Variants in KIF5B observed in about 807,000 individuals in gnomAD.
KIF5B encodes the protein kinesin family member 5B.
In KIF5B, 49 loss-of-function variants were observed where a neutral mutation model predicts 132.8. The ratio of observed to expected loss-of-function variants is 0.37; its 90% CI spans 0.29 to 0.47. The LOEUF (loss-of-function observed/expected upper bound fraction) is 0.47, where lower values mean the gene tolerates loss of function less well. Ranked by LOEUF, KIF5B falls within the 20% of genes least tolerant of loss-of-function variation. KIF5B has a pLI of 1.00. For missense variants in KIF5B, 780 were observed against 1,144.0 expected, an observed-to-expected ratio of 0.68 and a Z score of 4.59; for synonymous variants, 355 against 369.4, an observed-to-expected ratio of 0.96 and a Z score of 0.45.
chr10:32,014,832 G>A (rs1242583845), intron 25 of KIF5B, among the ~76,000 whole-genome samples: 2 of 152,186 alleles, frequency 1.3e-5, no homozygotes, highest in African/African-American at 4.8e-5. Flanking sequence ...AATACAAGGA[G>A]ATGTTTCAGG....
At position 32,022,079 on chromosome 10, in the gene KIF5B, TTAC is replaced by T. The variant is rs1394741444; in HGVS notation, c.2032+58_2032+60del. On this transcript the variant is annotated intron_variant, in intron 17 of 25. Coordinates refer to ENST00000302418, the MANE Select transcript of KIF5B (RefSeq NM_004521.3). ...ATTTCTTTCAGTGTGAATATTAAGT[TTAC>T]TACAATTATACTAAAATAAGAACAC... 3.4e-5 allele frequency: 27 copies of T among 798,742 alleles called. No individual in the cohort carries two copies. In the East Asian group the frequency reaches 6.4e-4, roughly 19 times the overall value. The allele number at this position is 798,742 out of a possible 1,614,324, so 49.5% of individuals were successfully genotyped here.
chr10:32,010,752 A>G lies in KIF5B; in HGVS notation c.*785T>C, dbSNP rs1841066385. 6.6e-6 allele frequency: 1 copy of G among 152,200 alleles called. No individual in the cohort carries two copies. The highest frequency in any genetic ancestry group is 1.5e-5 in the Non-Finnish European group (1 of 68,014). The allele number at this position is 152,200 out of a possible 1,614,324, so 9.4% of individuals were successfully genotyped here. ...CTTGTTGAGTACAGAATCAGGAAAA[A>G]GAGAAATATAATTCCTTTTCCAAAC... On this transcript the variant is annotated 3_prime_UTR_variant, in exon 26 of 26. Coordinates refer to ENST00000302418, the MANE Select transcript of KIF5B (RefSeq NM_004521.3).
intron 14 of KIF5B, among the ~76,000 whole-genome samples, 153 bp from the exon 15 acceptor site, chr10:32,028,724 T>C (rs938880663): frequency 1.3e-5 from 2 of 152,254 alleles, no homozygotes; most frequent in Admixed American, 6.5e-5. Context: ...GGTTCTGGGC[T>C]CCCAGCTCAA....
chr10:32,010,677 T>C lies in KIF5B; in HGVS notation c.*860A>G, dbSNP rs747163306. Reference sequence around the variant, plus strand: ...ATTATTACCTGTCCAATACTTATATTAGCTAGCAGGCTCACCAGAATAAAG... The same window carrying C: ...ATTATTACCTGTCCAATACTTATATCAGCTAGCAGGCTCACCAGAATAAAG... On this transcript the variant is annotated 3_prime_UTR_variant, in exon 26 of 26. Transcript: ENST00000302418. 6 of 152,192 alleles carry C rather than the reference T, an allele frequency of 3.9e-5. No individual in the cohort carries two copies. The allele number at this position is 152,192 out of a possible 1,614,324, so 9.4% of individuals were successfully genotyped here.
At position 32,034,077 on chromosome 10, in the gene KIF5B, G is replaced by A. The variant is rs548880769; in HGVS notation, c.1112-39C>T. The stretch of plus-strand genomic sequence containing the variant: ...ATAAAGTGGTTAATAAAAAAACGAC[G>A]TCTAAAGCTAATTTCAATTTCATTC... On this transcript the variant is annotated intron_variant, in intron 11 of 25. Coordinates refer to ENST00000302418, the MANE Select transcript of KIF5B (RefSeq NM_004521.3). The A allele has an allele frequency of 9.8e-5, 122 of 1,249,602 alleles. 1 individual carries two copies. Among genetic ancestry groups the A allele is most frequent in the South Asian group, 3.4e-4 (23 of 66,916 alleles). 77.4% of individuals were successfully genotyped at this position (1,249,602 alleles called of 1,614,324 possible). A position where few individuals can be genotyped will look rare whatever the true frequency, so the allele number is the denominator to read the frequency against.
rs1841197629 is a variant in KIF5B, at chr10:32,017,923, A to C, written c.2544+129T>G. 1.0e-5 allele frequency: 5 copies of C among 495,914 alleles called. No homozygotes were observed. The South Asian group carries it at 2.7e-4, about 26-fold the overall frequency. 30.7% of individuals were successfully genotyped at this position (495,914 alleles called of 1,614,324 possible). Reference sequence around the variant, plus strand: ...AAAGTTACTTATGGTTTCTTTATATAATTTCTGATAAAATGGCTCAGGGTA... The same window carrying C: ...AAAGTTACTTATGGTTTCTTTATATCATTTCTGATAAAATGGCTCAGGGTA... On this transcript the variant is annotated intron_variant, in intron 23 of 25. Transcript: ENST00000302418.
intron 12 of KIF5B, 126 bp from the exon 13 acceptor site, chr10:32,032,900 CTTATT>C: frequency 2.8e-6 from 2 of 710,272 alleles, no homozygotes; most frequent in Non-Finnish European, 4.9e-6. Context: ...TTCAACATTG[CTTATT>C]TTAATCTCTT....
At position 32,028,341 on chromosome 10, in the gene KIF5B, C is replaced by T. The variant is rs138831755; in HGVS notation, c.1725+87G>A. 306 of 1,066,360 alleles carry T rather than the reference C, an allele frequency of 2.9e-4. 1 individual carries two copies. The South Asian group carries it at 4.2e-3, about 15-fold the overall frequency. 66.1% of individuals were successfully genotyped at this position (1,066,360 alleles called of 1,614,324 possible). A position where few individuals can be genotyped will look rare whatever the true frequency, so the allele number is the denominator to read the frequency against. On this transcript the variant is annotated intron_variant, in intron 15 of 25. Transcript: ENST00000302418. The stretch of plus-strand genomic sequence containing the variant: ...GTTTGTGAGGATGAGATCATGAATA[C>T]GAAAAGAACTTTACAAACTATTAGT...
Position 32,048,904 on chromosome 10 carries a change from T to C in KIF5B, c.127-353A>G, listed in dbSNP as rs141765841. ...TATTTTTGAGACAGGGTCTCGGTTC[T>C]GTCACCCAGGCTGGAGTGCAGTGGC... On this transcript the variant is annotated intron_variant, in intron 1 of 25. Coordinates refer to ENST00000302418, the MANE Select transcript of KIF5B (RefSeq NM_004521.3). 2.0e-5 allele frequency among the ~76,000 whole-genome samples: 3 copies of C among 152,334 alleles called. No individual in the cohort carries two copies. In the East Asian group the frequency reaches 5.8e-4, roughly 29 times the overall value.
At chr10:32,035,431 G>A in intron 10 of KIF5B, 91 bp downstream of exon 10, 1 of 1,108,052 alleles carries the variant, frequency 9.0e-7, no homozygotes. Flanking sequence ...AAAACAGTAT[G>A]TACAGGTTGG....
At chr10:32,034,563 A>T in intron 11 of KIF5B, 127 bp downstream of exon 11, 1 of 632,612 alleles carries the variant, frequency 1.6e-6, no homozygotes, top group East Asian at 3.4e-5. Flanking sequence ...ATTTTTTTAA[A>T]AATTATTTCG....
intron 11 of KIF5B, 30 bp downstream of exon 11, chr10:32,034,660 A>G: frequency 2.0e-6 from 3 of 1,502,390 alleles, no homozygotes; most frequent in Non-Finnish European, 2.7e-6. Context: ...TATTTAACAA[A>G]CTGAAGATGA....
Position 32,022,757 on chromosome 10 carries a change from T to C in KIF5B, c.1914+91A>G, listed in dbSNP as rs188252831. On this transcript the variant is annotated intron_variant, in intron 16 of 25. Transcript: ENST00000302418. ...GAAAAAAACAACTAAATTTCACCTA[T>C]AGACACACATTTTTCTGAAAACTTG... 17 of 913,164 alleles carry C rather than the reference T, an allele frequency of 1.9e-5. No individual in the cohort carries two copies. The East Asian group carries it at 2.0e-4, about 11-fold the overall frequency. 56.6% of individuals were successfully genotyped at this position (913,164 alleles called of 1,614,324 possible).
At position 32,031,279 on chromosome 10, in the gene KIF5B, G is replaced by T; in HGVS notation, c.1375C>A (p.Leu459Ile). ...LKTQMLDQEE[L>I]LASTRRDQDN... is the part of the protein sequence containing the mutation. ...TGATCCCTTCTGGTAGATGCCAAAAGCTATAGGACAGAAAATAATTTATTT... is the reference window on the plus strand; with the variant it reads ...TGATCCCTTCTGGTAGATGCCAAAATCTATAGGACAGAAAATAATTTATTT... The change falls in exon 14 of 26, where the codon CTT becomes ATT. Residue 459 changes from leucine (L) to isoleucine (I), a missense_variant and splice_region_variant. Physicochemically the swap from Leu to Ile is conservative, Grantham distance 5. This residue lies in a region of KIF5B where 471 missense variants were observed against 569.9 expected (regional missense o/e 0.83). Coordinates refer to ENST00000302418, the MANE Select transcript of KIF5B (RefSeq NM_004521.3). 1 of 1,611,534 alleles carries T rather than the reference G, an allele frequency of 6.2e-7. No individual in the cohort carries two copies. The highest frequency in any genetic ancestry group is 1.1e-5 in the South Asian group (1 of 90,924).
At position 32,024,255 on chromosome 10, in the gene KIF5B, C is replaced by T. The variant is rs1204562583; in HGVS notation, c.1726-1219G>A. On this transcript the variant is annotated intron_variant, in intron 15 of 25. Transcript: ENST00000302418. ...CTGCAAGCTCCGCCTCCCGGGTTCA[C>T]GCCATTCTCCTGCCTCAGCCTCCCA... 8.6e-5 allele frequency among the ~76,000 whole-genome samples: 12 copies of T among 138,856 alleles called. No individual in the cohort carries two copies. In the South Asian group the frequency reaches 1.6e-3, roughly 18 times the overall value. 91.1% of individuals were successfully genotyped at this position (138,856 alleles called of 152,430 possible).
intron 23 of KIF5B, among the ~76,000 whole-genome samples, chr10:32,017,691 GA>G (rs1283931024): frequency 6.6e-6 from 1 of 152,126 alleles, no homozygotes; most frequent in Non-Finnish European, 1.5e-5. Flanking sequence ...CATTATGTCT[GA>G]CACACTGGGG....
chr10:32,015,729 C>A lies in KIF5B; in HGVS notation c.2762-70G>T, dbSNP rs375595563. On this transcript the variant is annotated intron_variant, in intron 24 of 25. Coordinates refer to ENST00000302418, the MANE Select transcript of KIF5B (RefSeq NM_004521.3). ...GTGACTGCAATGACTGTTAAGGTTT[C>A]TTCTCTTATTCACAACAAATTCCCA... The A allele has an allele frequency of 1.1e-5, 14 of 1,275,154 alleles. No homozygotes were observed. In the African/African-American group the frequency reaches 2.0e-4, roughly 18 times the overall value. 79.0% of individuals were successfully genotyped at this position (1,275,154 alleles called of 1,614,324 possible).
intron 24 of KIF5B, among the ~76,000 whole-genome samples, chr10:32,016,371 G>A (rs974806546): frequency 5.9e-5 from 9 of 151,924 alleles, no homozygotes; most frequent in Non-Finnish European, 8.8e-5. Flanking sequence ...CAGGAGAATC[G>A]CTTGAACCCA....
rs758972432 is a variant in KIF5B, at chr10:32,015,603, T to C, written c.2818A>G (p.Ile940Val). Residue 940 changes from isoleucine (I) to valine (V), a missense_variant, in exon 25 of 26, where the codon ATT becomes GTT. Around this residue, in one of 9 missense-constraint regions of KIF5B, gnomAD observed 90 missense variants for 101.8 expected, o/e 0.88. Transcript: ENST00000302418. The part of the protein sequence containing the change: ...PAASPTHPSA[I>V]RGGGAFVQNS... ...TGAACAAATGCACCTCCTCCACGAATTGCACTTGGGTGAGTTGGAGAAGCT... is the reference window on the plus strand; with the variant it reads ...TGAACAAATGCACCTCCTCCACGAACTGCACTTGGGTGAGTTGGAGAAGCT... 1.2e-5 allele frequency: 19 copies of C among 1,613,680 alleles called. No individual in the cohort carries two copies. Among genetic ancestry groups the C allele is most frequent in the East Asian group, 8.9e-5 (4 of 44,884 alleles).
Sources: gnomAD v4.1 joint callset for allele counts (sites outside exome capture counted in the v4.1 genomes callset) on GRCh38, gnomAD v4.1.1 for gene constraint, gnomAD v4.1.1 regional missense constraint, MANE v1.5 for transcripts, NCBI Gene and HGNC (gene_info 2026-07-23, HGNC 2026-07-21) for gene names.